The following CEP128 variants were observed in gnomAD, a reference collection of about 807,000 sequenced individuals.
CEP128 encodes centrosomal protein 128, also known as centrosomal protein 128kDa.
In CEP128, 132 loss-of-function variants were observed where a neutral mutation model predicts 156.7. The observed-to-expected ratio is 0.84, with a 90% CI of 0.73 to 0.97. The LOEUF (loss-of-function observed/expected upper bound fraction) is 0.97, where lower values mean the gene tolerates loss of function less well. Ranked by LOEUF, CEP128 falls within the 50% of genes least tolerant of loss-of-function variation. CEP128 has a pLI of 0.00. For missense variants in CEP128, 1,252 were observed against 1,281.9 expected (o/e 0.98, Z 0.36); for synonymous variants, 469 against 448.9 (o/e 1.04, Z -0.57).
intron 13 of CEP128, among the ~76,000 whole-genome samples, chr14:80,816,757 A>T (rs1008171358): frequency 2.0e-5 from 3 of 152,218 alleles, no homozygotes; most frequent in African/African-American, 7.2e-5. Context: ...GAGAGTGATC[A>T]GCTAAGAGAA....
intron 22 of CEP128, 64 bp from the exon 23 acceptor site, chr14:80,527,046 A>C: frequency 5.4e-6 from 4 of 739,414 alleles, no homozygotes; most frequent in Non-Finnish European, 9.4e-6. Flanking sequence ...GCTTGAAATT[A>C]GAGTAAGAAA....
chr14:80,759,675 T>C (rs965392234), intron 17 of CEP128, among the ~76,000 whole-genome samples: 11 of 152,154 alleles, frequency 7.2e-5, no homozygotes, highest in Non-Finnish European at 1.5e-5. Flanking sequence ...AAGACTTGGA[T>C]TGAATTAGTC....
intron 21 of CEP128, among the ~76,000 whole-genome samples, chr14:80,535,055 C>T (rs1889422168): frequency 6.6e-6 from 1 of 152,118 alleles, no homozygotes. Context: ...AGCTGGACTT[C>T]CAGGGACCTA....
rs576172964 is a variant in CEP128, at chr14:80,773,939, T to C, written c.2376+3943A>G. On this transcript the variant is annotated intron_variant, in intron 16 of 24. Coordinates refer to ENST00000555265, the MANE Select transcript of CEP128 (RefSeq NM_152446.5). ...TAGCTTTTTTGCCCTGGTTAGAAGC[T>C]AGTAATAAAAGTACCAAATGAATAT... 4.6e-5 allele frequency among the ~76,000 whole-genome samples: 7 copies of C among 152,322 alleles called. No individual in the cohort carries two copies. In the South Asian group the frequency reaches 1.2e-3, roughly 27 times the overall value.
intron 18 of CEP128, among the ~76,000 whole-genome samples, chr14:80,746,131 C>A (rs118014891): frequency 1.3e-5 from 2 of 151,960 alleles, no homozygotes; most frequent in Non-Finnish European, 2.9e-5. Context: ...GGATTGAAAG[C>A]GAATATTATT....
At chr14:80,495,412 T>C (rs112825082), downstream of CEP128, among the ~76,000 whole-genome samples, 1 of 152,154 alleles carries the variant, frequency 6.6e-6, no homozygotes, top group Non-Finnish European at 1.5e-5. Context: ...TTGACAAAAT[T>C]GTTGTTCACA....
At chr14:80,705,636 A>G (rs1489380789) in intron 19 of CEP128, among the ~76,000 whole-genome samples, 1 of 152,090 alleles carries the variant, frequency 6.6e-6, no homozygotes, top group Non-Finnish European at 1.5e-5. Flanking sequence ...CAAGGAAGGG[A>G]TGTTGTGTGA....
intron 9 of CEP128, among the ~76,000 whole-genome samples, chr14:80,861,748 C>A (rs228117): frequency 1.3e-5 from 2 of 152,024 alleles, no homozygotes; most frequent in Admixed American, 1.3e-4. Context: ...TTGAATAAAA[C>A]GTATAGATTA....
At chr14:80,786,296 G>A (rs986811135) in intron 14 of CEP128, among the ~76,000 whole-genome samples, 6 of 152,118 alleles carry the variant, frequency 3.9e-5, no homozygotes, top group Non-Finnish European at 5.9e-5. Flanking sequence ...AGCCAAGGGA[G>A]CCAAGATTGT....
At chr14:80,947,736 A>T (rs1055137233) in intron 2 of CEP128, among the ~76,000 whole-genome samples, 1 of 152,322 alleles carries the variant, frequency 6.6e-6, no homozygotes, top group Non-Finnish European at 1.5e-5. Context: ...AACAGAGAAG[A>T]AGGGGGTCCT....
At chr14:80,900,787 C>T (rs960194256) in intron 6 of CEP128, among the ~76,000 whole-genome samples, 2 of 152,060 alleles carry the variant, frequency 1.3e-5, no homozygotes, top group Admixed American at 1.3e-4. Flanking sequence ...AGTAGTATCC[C>T]ATAAATAAGA....
At chr14:80,935,646 CAAAA>C (rs375122664) in intron 2 of CEP128, among the ~76,000 whole-genome samples, 14 of 51,596 alleles carry the variant, frequency 2.7e-4, no homozygotes, top group Admixed American at 8.6e-4. Flanking sequence ...GTCCCCCCAC[CAAAA>C]AAAAAAAAAA....
intron 19 of CEP128, among the ~76,000 whole-genome samples, chr14:80,689,825 C>T (rs1481827120): frequency 6.6e-6 from 1 of 151,656 alleles, no homozygotes; most frequent in Admixed American, 6.6e-5. Context: ...TTAATTTATA[C>T]ATCCATGAAT....
At chr14:80,537,472 T>C (rs879484062) in intron 21 of CEP128, among the ~76,000 whole-genome samples, 1 of 152,052 alleles carries the variant, frequency 6.6e-6, no homozygotes, top group Non-Finnish European at 1.5e-5. Context: ...CTCCCTGATA[T>C]AAAGAAAAAA....
At chr14:80,571,616 T>C (rs1056571603) in intron 20 of CEP128, among the ~76,000 whole-genome samples, 1 of 152,212 alleles carries the variant, frequency 6.6e-6, no homozygotes, top group African/African-American at 2.4e-5. Context: ...TTATTAGTCA[T>C]TTTTGCAGCT....
intron 24 of CEP128, among the ~76,000 whole-genome samples, chr14:80,502,520 C>A (rs540659706): frequency 6.6e-5 from 10 of 152,072 alleles, no homozygotes; most frequent in Non-Finnish European, 1.2e-4. Flanking sequence ...CATTCTTTTT[C>A]TTTTTCTTCT....
intron 19 of CEP128, among the ~76,000 whole-genome samples, chr14:80,633,841 A>T (rs1003096942): frequency 1.3e-5 from 2 of 152,182 alleles, no homozygotes; most frequent in Non-Finnish European, 2.9e-5. Context: ...TGTCCCATCC[A>T]TTCTTGGTAT....
intron 19 of CEP128, among the ~76,000 whole-genome samples, chr14:80,646,142 C>G (rs947447430): frequency 6.6e-5 from 10 of 152,080 alleles, no homozygotes; most frequent in Admixed American, 4.6e-4. Context: ...CATTACATAT[C>G]TGTCAAAACC....
At chr14:80,589,796 C>G (rs1891972366) in intron 19 of CEP128, among the ~76,000 whole-genome samples, 1 of 152,038 alleles carries the variant, frequency 6.6e-6, no homozygotes, top group African/African-American at 2.4e-5. Context: ...ATCCTCAGTG[C>G]CTGGCAAATA....
Sources: allele counts gnomAD v4.1 joint callset (sites outside exome capture counted in the v4.1 genomes callset), GRCh38; gene constraint gnomAD v4.1.1; transcripts MANE v1.5; gene names NCBI Gene and HGNC (gene_info 2026-07-23, HGNC 2026-07-21).